SPIN1: variants seen among roughly 807,000 people sequenced by gnomAD.
The protein encoded by SPIN1 is spindlin 1.
A neutral mutation model predicts 26.0 loss-of-function variants in SPIN1; 3 were observed. The observed-to-expected ratio is 0.12, with a 90% CI of 0.05 to 0.30. The LOEUF is 0.30. Ranked by LOEUF, SPIN1 falls within the 10% of genes least tolerant of loss-of-function variation. The pLI is 1.00. For missense variants in SPIN1, 126 were observed against 333.4 expected, an observed-to-expected ratio of 0.38 and a Z score of 4.84; for synonymous variants, 101 against 116.5, an observed-to-expected ratio of 0.87 and a Z score of 0.86.
intron 1 of SPIN1, among the ~76,000 whole-genome samples, chr9:88,389,990 C>T (rs1404549364): frequency 6.6e-6 from 1 of 151,978 alleles, no homozygotes; most frequent in African/African-American, 2.4e-5. Context: ...ATTTACAGAA[C>T]GTTCGTTATC....
At chr9:88,433,747 G>C (rs1827934059) in intron 2 of SPIN1, among the ~76,000 whole-genome samples, 1 of 152,156 alleles carries the variant, frequency 6.6e-6, no homozygotes, top group African/African-American at 2.4e-5. Context: ...ATACCAAGCT[G>C]AGCTTATAAA....
intron 2 of SPIN1, among the ~76,000 whole-genome samples, chr9:88,434,983 C>T (rs929007052): frequency 1.4e-4 from 21 of 148,896 alleles, no homozygotes; most frequent in African/African-American, 5.0e-4. Context: ...ACCCGGGAGG[C>T]GGAGGTTGCA....
intron 5 of SPIN1, among the ~76,000 whole-genome samples, chr9:88,473,740 C>T (rs1274498204): frequency 1.3e-5 from 2 of 152,018 alleles, no homozygotes; most frequent in South Asian, 2.1e-4. Context: ...GTCCTGGTCG[C>T]GTACCCGCTC....
At chr9:88,405,606 C>T (rs1827284329) in intron 1 of SPIN1, among the ~76,000 whole-genome samples, 2 of 135,504 alleles carry the variant, frequency 1.5e-5, no homozygotes, top group African/African-American at 2.9e-5. Flanking sequence ...TGCAGTGGCG[C>T]GACCTCATCT....
chr9:88,443,432 A>G (rs1038039567), intron 2 of SPIN1, among the ~76,000 whole-genome samples: 18 of 152,122 alleles, frequency 1.2e-4, no homozygotes, highest in African/African-American at 4.3e-4. Flanking sequence ...CCATCTCTGT[A>G]TATATTGTCC....
At chr9:88,423,335 T>C (rs937866231) in intron 1 of SPIN1, among the ~76,000 whole-genome samples, 1 of 152,186 alleles carries the variant, frequency 6.6e-6, no homozygotes, top group Non-Finnish European at 1.5e-5. Context: ...GAATTTTTTT[T>C]CTTGATCTTT....
rs1454220785 is a variant in SPIN1, at chr9:88,429,895, G to C, written c.52+3304G>C. On this transcript the variant is annotated intron_variant, in intron 2 of 5. Transcript: ENST00000375859. ...CATACAGAAGACACTTACCACTCCA[G>C]AGTTTCCAAGGGTATTGGAAGCTGT... Among the ~76,000 whole-genome samples the C allele has an allele frequency of 2.0e-5, 3 of 152,146 alleles. No individual in the cohort carries two copies. The East Asian group carries it at 5.8e-4, about 29-fold the overall frequency.
In SPIN1 at chr9:88,410,789, C is replaced by T. The variant is rs1827426503; in HGVS notation, c.-158-15593C>T. 9.5e-6 allele frequency: 10 copies of T among 1,048,642 alleles called. No individual in the cohort carries two copies. The Admixed American group carries it at 1.7e-4, about 18-fold the overall frequency. The allele number at this position is 1,048,642 out of a possible 1,614,324, so 65.0% of individuals were successfully genotyped here. On this transcript the variant is annotated intron_variant, in intron 1 of 5. Transcript: ENST00000375859. ...TAGCCATCCCCACTGCCACCAAAGC[C>T]ACCATGACCACTGAAGTTTCCTCCA... is the stretch of plus-strand genomic sequence containing the variant.
chr9:88,408,363 T>A (rs1183409148), intron 1 of SPIN1, among the ~76,000 whole-genome samples: 4 of 143,840 alleles, frequency 2.8e-5, no homozygotes, highest in Non-Finnish European at 5.9e-5. Context: ...TTGGTTTTTC[T>A]TTTCCTTTTT....
At position 88,416,986 on chromosome 9, in the gene SPIN1, C is replaced by G. The variant is rs547812322; in HGVS notation, c.-158-9396C>G. Among the ~76,000 whole-genome samples the G allele has an allele frequency of 2.6e-5, 4 of 152,316 alleles. No individual in the cohort carries two copies. The Middle Eastern group carries it at 0.01, about 389-fold the overall frequency. On this transcript the variant is annotated intron_variant, in intron 1 of 5. Transcript: ENST00000375859. ...TAGCAGAATGACCTAACCTGTCTAC[C>G]TGATATCAAGATTTTAATTTGCTTA... is the stretch of plus-strand genomic sequence containing the variant.
intron 1 of SPIN1, among the ~76,000 whole-genome samples, chr9:88,413,991 C>G (rs1222876635): frequency 2.7e-5 from 4 of 145,850 alleles, no homozygotes; most frequent in African/African-American, 7.9e-5. Flanking sequence ...GGATGACTCA[C>G]AAAACTCAAG....
intron 5 of SPIN1, among the ~76,000 whole-genome samples, chr9:88,471,851 G>C (rs1174527862): frequency 6.7e-6 from 1 of 150,116 alleles, no homozygotes; most frequent in East Asian, 2.0e-4. Context: ...TCCTTTTTTT[G>C]AGACAGTCGC....
intron 1 of SPIN1, among the ~76,000 whole-genome samples, chr9:88,407,266 A>G (rs1827330450): frequency 6.6e-6 from 1 of 151,872 alleles, no homozygotes; most frequent in South Asian, 2.1e-4. Context: ...CCTCCCGAAT[A>G]GCTGGGACTA....
chr9:88,397,931 G>GT (rs1266477938), intron 1 of SPIN1, among the ~76,000 whole-genome samples: 1 of 151,404 alleles, frequency 6.6e-6, no homozygotes, highest in Non-Finnish European at 1.5e-5. Flanking sequence ...GCCTGAAGTT[G>GT]TTTTTTTGAG....
rs1828871610 is a variant in SPIN1 at position 88,475,458 on chromosome 9, G to A, written c.*181G>A. On this transcript the variant is annotated 3_prime_UTR_variant, in exon 6 of 6. Coordinates refer to ENST00000375859, the MANE Select transcript of SPIN1 (RefSeq NM_006717.3). ...TTGATGTGAACACAAAGCATTTTGT[G>A]TAAGGAGAACCCCTTTCTTTTAAAA... 1.9e-6 allele frequency: 1 copy of A among 515,112 alleles called. No homozygotes were observed. Among genetic ancestry groups the A allele is most frequent in the East Asian group, 3.3e-5 (1 of 30,340 alleles). 31.9% of individuals were successfully genotyped at this position (515,112 alleles called of 1,614,324 possible).
In SPIN1 at chr9:88,426,370, A is replaced by G; in HGVS notation, c.-158-12A>G. The G allele has an allele frequency of 3.8e-6, 2 of 523,506 alleles. No homozygotes were observed. Among genetic ancestry groups the G allele is most frequent in the Non-Finnish European group, 7.0e-6 (2 of 285,086 alleles). 32.4% of individuals were successfully genotyped at this position (523,506 alleles called of 1,614,324 possible). A position where few individuals can be genotyped will look rare whatever the true frequency, so the allele number is the denominator to read the frequency against. On this transcript the variant is annotated splice_polypyrimidine_tract_variant and intron_variant, in intron 1 of 5. Transcript: ENST00000375859. ...TGATGCTCTAGTAATGAACTGTTTC[A>G]CTATTTTACAGAGTGCTTGTGATTT...
At chr9:88,413,192 G>C (rs1468887199) in intron 1 of SPIN1, among the ~76,000 whole-genome samples, 1 of 149,042 alleles carries the variant, frequency 6.7e-6, no homozygotes, top group Non-Finnish European at 1.5e-5. Flanking sequence ...TCAGCCTCCT[G>C]AGTAGCTCGC....
chr9:88,469,733 A>G (rs1828739477), intron 5 of SPIN1, among the ~76,000 whole-genome samples: 1 of 152,144 alleles, frequency 6.6e-6, no homozygotes, highest in South Asian at 2.1e-4. Context: ...GGGTTTCACC[A>G]TGTTGGCCAA....
chr9:88,405,481 C>G (rs1251766441), intron 1 of SPIN1, among the ~76,000 whole-genome samples: 1 of 151,668 alleles, frequency 6.6e-6, no homozygotes, highest in Non-Finnish European at 1.5e-5. Context: ...CCCACCTCGC[C>G]CTCCCAAAGT....
Sources: gnomAD v4.1 joint callset for allele counts (sites outside exome capture counted in the v4.1 genomes callset) on GRCh38, gnomAD v4.1.1 for gene constraint, MANE v1.5 for transcripts, NCBI Gene and HGNC (gene_info 2026-07-23, HGNC 2026-07-21) for gene names.